UTRN: variants seen among roughly 807,000 people sequenced by gnomAD.
UTRN encodes the protein dystrophin-related protein 1.
In UTRN, 283 loss-of-function variants were observed where a neutral mutation model predicts 463.9. That is an observed-to-expected ratio of 0.61 (90% CI 0.55 to 0.67). The LOEUF is 0.67. Ranked by LOEUF, UTRN falls within the 30% of genes least tolerant of loss-of-function variation. The pLI, the probability that UTRN is intolerant of heterozygous loss-of-function variation, is 0.00. For synonymous variants in UTRN, 1,442 were observed against 1,431.5 expected, an observed-to-expected ratio of 1.01 and a Z score of -0.17; for missense variants, 3,922 against 4,084.3, an observed-to-expected ratio of 0.96 and a Z score of 1.08.
At chr6:144,848,684 T>C (rs12111267) in intron 74 of UTRN, among the ~76,000 whole-genome samples, 2,672 of 152,166 alleles carry the variant, frequency 0.018, 75 homozygotes, top group African/African-American at 0.06. Flanking sequence ...TGTGAATGGC[T>C]AAGAAGGTTG....
chr6:144,505,886 C>G (rs1433316087), intron 34 of UTRN, among the ~76,000 whole-genome samples: 1 of 152,166 alleles, frequency 6.6e-6, no homozygotes. Flanking sequence ...GTGTGGAAGT[C>G]TAAGTCTCTT....
intron 60 of UTRN, among the ~76,000 whole-genome samples, chr6:144,777,122 GGC>G: frequency 6.6e-6 from 1 of 152,276 alleles, no homozygotes; most frequent in African/African-American, 2.4e-5. Flanking sequence ...TACAATTTCT[GGC>G]ACAGAGCAGG....
At chr6:144,295,849 G>A (rs954835018) in intron 2 of UTRN, among the ~76,000 whole-genome samples, 1 of 152,158 alleles carries the variant, frequency 6.6e-6, no homozygotes, top group Non-Finnish European at 1.5e-5. Flanking sequence ...GTGATTTGTG[G>A]CACTGGACTT....
intron 54 of UTRN, among the ~76,000 whole-genome samples, chr6:144,746,638 G>A (rs1230172318): frequency 2.0e-5 from 3 of 151,494 alleles, no homozygotes; most frequent in Admixed American, 2.0e-4. Flanking sequence ...CAGCACACCT[G>A]GCTAGTTTTT....
intron 50 of UTRN, among the ~76,000 whole-genome samples, chr6:144,561,440 A>G (rs891511404): frequency 6.6e-6 from 1 of 151,572 alleles, no homozygotes; most frequent in African/African-American, 2.4e-5. Flanking sequence ...ATACACACAT[A>G]GTTATCTACA....
chr6:144,476,234 A>G (rs1791183431), intron 25 of UTRN, among the ~76,000 whole-genome samples: 1 of 151,054 alleles, frequency 6.6e-6, no homozygotes, highest in South Asian at 2.1e-4. Flanking sequence ...GATCACAGGC[A>G]TGGGCCATTG....
intron 53 of UTRN, among the ~76,000 whole-genome samples, chr6:144,722,475 C>T (rs961010556): frequency 2.6e-5 from 4 of 152,056 alleles, no homozygotes; most frequent in African/African-American, 4.8e-5. Flanking sequence ...GTCCACACTC[C>T]TATGCAGAGG....
intron 60 of UTRN, among the ~76,000 whole-genome samples, chr6:144,779,073 G>A (rs1433923081): frequency 6.6e-6 from 1 of 152,172 alleles, no homozygotes; most frequent in Non-Finnish European, 1.5e-5. Flanking sequence ...TGTATAACCA[G>A]GGAGACTTCA....
Position 144,403,121 on chromosome 6 carries a change from A to G in UTRN, c.80-2A>G. ...CCTTCTCTTTCTTTTTCCATTCCAC[A>G]GATGAACACAATGACGTACAGAAGA... is the stretch of plus-strand genomic sequence containing the variant. On this transcript the variant is annotated splice_acceptor_variant, in intron 2 of 74. Transcript: ENST00000367545. LOFTEE classifies it high-confidence loss of function. 3.1e-6 allele frequency: 5 copies of G among 1,613,100 alleles called. No homozygotes were observed. The highest frequency in any genetic ancestry group is 2.2e-5 in the South Asian group (2 of 91,052).
At chr6:144,503,957 T>C (rs945191898) in intron 34 of UTRN, among the ~76,000 whole-genome samples, 2 of 152,226 alleles carry the variant, frequency 1.3e-5, no homozygotes, top group Non-Finnish European at 2.9e-5. Flanking sequence ...AAGAGCTCCT[T>C]CACATCCCTT....
In UTRN at chr6:144,516,851, G is replaced by C. The variant is rs761238959; in HGVS notation, c.5444G>C (p.Arg1815Thr). The C allele has an allele frequency of 6.6e-7, 1 of 1,515,056 alleles. No homozygotes were observed. Among genetic ancestry groups the C allele is most frequent in the Non-Finnish European group, 8.8e-7 (1 of 1,135,386 alleles). 93.9% of individuals were successfully genotyped at this position (1,515,056 alleles called of 1,614,324 possible). Residue 1815 changes from arginine to threonine, a missense_variant, in exon 39 of 75, where the codon AGA (arginine) becomes ACA (threonine). Physicochemically the swap from Arg to Thr is moderately conservative, Grantham distance 71. Around this residue, in one of 3 missense-constraint regions of UTRN, gnomAD observed 2,349 missense variants for 2,303.8 expected, o/e 1.02. Transcript: ENST00000367545. Reference protein sequence around the residue: ...ESAQIEEVLQRGEEMLHQPME... With the variant: ...ESAQIEEVLQTGEEMLHQPME... Reference sequence around the variant, plus strand: ...GCCCAGATTGAGGAAGTTCTACAAAGAGGAGAAGAAATGTTACATCAACCT... The same window carrying C: ...GCCCAGATTGAGGAAGTTCTACAAACAGGAGAAGAAATGTTACATCAACCT...
rs1799233429 is a variant in UTRN, at chr6:144,554,778, A to G, written c.7019A>G (p.Gln2340Arg). Residue 2340 changes from glutamine (Q) to arginine (R), a missense_variant, in exon 49 of 75, where the codon CAG (glutamine) becomes CGG (arginine). Around this residue, in one of 3 missense-constraint regions of UTRN, gnomAD observed 1,309 missense variants for 1,452.6 expected, o/e 0.90. Transcript: ENST00000367545. ...GAGGACATGATTATTGACAGTCTTCAGTGGGATGACCATAGGGAGGAGACT... is the reference window on the plus strand; with the variant it reads ...GAGGACATGATTATTGACAGTCTTCGGTGGGATGACCATAGGGAGGAGACT... The part of the protein sequence containing the change: ...QLEDMIIDSL[Q>R]WDDHREETEE... 3.1e-6 allele frequency: 5 copies of G among 1,614,090 alleles called. No homozygotes were observed. The highest frequency in any genetic ancestry group is 4.2e-6 in the Non-Finnish European group (5 of 1,179,978).
rs143422999 is a variant in UTRN, at chr6:144,588,035, G to A, written c.7479+10747G>A. On this transcript the variant is annotated intron_variant, in intron 51 of 74. Coordinates refer to ENST00000367545, the MANE Select transcript of UTRN (RefSeq NM_007124.3). ...CCATCTAACCCTCTCTATGGATGCT[G>A]TAGGTGTGTTTCCTGGGAGCTGTAT... is the stretch of plus-strand genomic sequence containing the variant. Among the ~76,000 whole-genome samples the A allele has an allele frequency of 2.3e-4, 35 of 152,274 alleles. No homozygotes were observed. The East Asian group carries it at 6.8e-3, about 29-fold the overall frequency.
intron 47 of UTRN, among the ~76,000 whole-genome samples, 170 bp from the exon 48 acceptor site, chr6:144,550,795 C>A (rs928797416): frequency 6.6e-6 from 1 of 152,182 alleles, no homozygotes; most frequent in African/African-American, 2.4e-5. Context: ...GATTTGAATG[C>A]AGGATCCTTG....
rs368618753 is a variant in UTRN at position 144,658,233 on chromosome 6, A to G, written c.7480-20173A>G. Among the ~76,000 whole-genome samples, 80 of 152,390 alleles carry G rather than the reference A, an allele frequency of 5.2e-4. No individual in the cohort carries two copies. In the East Asian group the frequency reaches 0.01, roughly 19 times the overall value. The stretch of plus-strand genomic sequence containing the variant: ...ATAAAGCCATTTTGCCCCTGGGGAC[A>G]TACAGGTTTTTATGAAAAAATAATG... On this transcript the variant is annotated intron_variant, in intron 51 of 74. Coordinates refer to ENST00000367545, the MANE Select transcript of UTRN (RefSeq NM_007124.3).
Position 144,314,944 on chromosome 6 carries a change from C to A in UTRN, c.79+23037C>A, listed in dbSNP as rs2502633. 2.1e-3 allele frequency among the ~76,000 whole-genome samples: 304 copies of A among 147,930 alleles called. 2 individuals are homozygous for A. Among genetic ancestry groups the A allele is most frequent in the Middle Eastern group, 0.01 (3 of 294 alleles). ...TACCTATGTATATATATACCTCTCT[C>A]TATATATTTTTTTCCTTATTTATTT... On this transcript the variant is annotated intron_variant, in intron 2 of 74. Coordinates refer to ENST00000367545, the MANE Select transcript of UTRN (RefSeq NM_007124.3).
At chr6:144,677,685 G>A (rs193046191) in intron 51 of UTRN, among the ~76,000 whole-genome samples, 1 of 152,218 alleles carries the variant, frequency 6.6e-6, no homozygotes, top group Admixed American at 6.5e-5. Context: ...TTGAGGAATC[G>A]CCACACTGTC....
At chr6:144,523,245 G>T in intron 41 of UTRN, 57 bp downstream of exon 41, 6 of 1,321,052 alleles carry the variant, frequency 4.5e-6, no homozygotes, top group South Asian at 1.8e-5. Context: ...GTTCATGGGC[G>T]TGAAGAAGAT....
At chr6:144,840,219 A>G (rs1300344730) in intron 72 of UTRN, among the ~76,000 whole-genome samples, 4 of 152,000 alleles carry the variant, frequency 2.6e-5, no homozygotes, top group East Asian at 1.9e-4. Flanking sequence ...GATTATTTTC[A>G]TATTTTTTAA....
Sources: gnomAD v4.1 joint callset for allele counts (sites outside exome capture counted in the v4.1 genomes callset) on GRCh38, gnomAD v4.1.1 for gene constraint, gnomAD v4.1.1 regional missense constraint, MANE v1.5 for transcripts, NCBI Gene and HGNC (gene_info 2026-07-23, HGNC 2026-07-21) for gene names.